NHS: variants seen among roughly 807,000 people sequenced by gnomAD.
NHS encodes the protein NHS actin remodeling regulator.
NHS carries 5 observed loss-of-function variants against 72.5 expected under a neutral mutation model. That is an observed-to-expected ratio of 0.07 (90% CI 0.04 to 0.14). The LOEUF is 0.14. Ranked by LOEUF, NHS falls within the 10% of genes least tolerant of loss-of-function variation. NHS has a pLI of 1.00. For synonymous variants in NHS, 464 were observed against 547.7 expected (o/e 0.85, Z 2.13); for missense variants, 1,072 against 1,355.7 (o/e 0.79, Z 3.29).
Position 17,734,695 on chromosome X carries a change from G to A in NHS, c.*2231G>A, listed in dbSNP as rs1313884290. ...ACCCATTAATTAAGAAAACCAGCAT[G>A]GTTTGACACCACATGGGAACATGAA... On this transcript the variant is annotated 3_prime_UTR_variant, in exon 9 of 9. Coordinates refer to ENST00000676302, the MANE Select transcript of NHS (RefSeq NM_001291867.2). The A allele has an allele frequency of 8.9e-6, 1 of 112,646 alleles. No individual in the cohort carries two copies. The highest frequency in any genetic ancestry group is 1.9e-5 in the Non-Finnish European group (1 of 53,282). 9.3% of individuals were successfully genotyped at this position (112,646 alleles called of 1,213,427 possible). A position where few individuals can be genotyped will look rare whatever the true frequency, so the allele number is the denominator to read the frequency against.
chrX:17,461,230 C>T (rs2064846357), intron 1 of NHS, among the ~76,000 whole-genome samples: 1 of 111,924 alleles, frequency 8.9e-6, no homozygotes, highest in Admixed American at 9.4e-5. Flanking sequence ...CGAAAGTCAA[C>T]AAGACAATGA....
intron 1 of NHS, among the ~76,000 whole-genome samples, chrX:17,469,998 G>A (rs185778935): frequency 9.0e-6 from 1 of 110,991 alleles, no homozygotes; most frequent in Non-Finnish European, 1.9e-5. Context: ...GAGATGATTT[G>A]GGTTTATTGT....
At chrX:17,517,348 C>T (rs2065126794) in intron 1 of NHS, among the ~76,000 whole-genome samples, 1 of 111,944 alleles carries the variant, frequency 8.9e-6, no homozygotes, top group African/African-American at 3.3e-5. Flanking sequence ...TGCCCAAATC[C>T]AATTCTAGAC....
chrX:17,491,838 C>G (rs1163282466), intron 1 of NHS, among the ~76,000 whole-genome samples: 5 of 104,825 alleles, frequency 4.8e-5, no homozygotes, highest in Non-Finnish European at 9.7e-5. Context: ...AGGGATTCGA[C>G]TTCTTCCTGG....
chrX:17,688,582 T>C (rs993850990), intron 2 of NHS, among the ~76,000 whole-genome samples: 1 of 111,413 alleles, frequency 9.0e-6, no homozygotes, highest in Non-Finnish European at 1.9e-5. Flanking sequence ...CCCCATTCTT[T>C]AGTGGGACAC....
rs372574925 is a variant in NHS, at chrX:17,640,701, G to A, written c.566-47041G>A. On this transcript the variant is annotated intron_variant, in intron 1 of 8. Coordinates refer to ENST00000676302, the MANE Select transcript of NHS (RefSeq NM_001291867.2). Reference sequence around the variant, plus strand: ...TTAATGCTTGCCATGGATGACATTTGGCCATTAACAGCTAAGCTCCCTCTT... The same window carrying A: ...TTAATGCTTGCCATGGATGACATTTAGCCATTAACAGCTAAGCTCCCTCTT... 7.1e-5 allele frequency among the ~76,000 whole-genome samples: 8 copies of A among 112,351 alleles called. No homozygotes were observed. In the East Asian group the frequency reaches 1.9e-3, roughly 27 times the overall value.
chrX:17,581,338 G>A (rs1264801964), intron 1 of NHS, among the ~76,000 whole-genome samples: 1 of 111,754 alleles, frequency 8.9e-6, no homozygotes, highest in Non-Finnish European at 1.9e-5. Context: ...AGGAAACAAT[G>A]GAGGCTTGCA....
intron 3 of NHS, among the ~76,000 whole-genome samples, chrX:17,704,297 A>T (rs895103613): frequency 9.2e-6 from 1 of 109,144 alleles, no homozygotes; most frequent in Non-Finnish European, 1.9e-5. Flanking sequence ...TTTAAAAATT[A>T]AAAAAAAATT....
intron 3 of NHS, among the ~76,000 whole-genome samples, chrX:17,707,032 G>GTAGA (rs2066300492): frequency 1.8e-5 from 2 of 112,072 alleles, no homozygotes; most frequent in South Asian, 7.5e-4. Flanking sequence ...TCACCCTGCA[G>GTAGA]TAGAGTCCAT....
chrX:17,655,686 C>A (rs7052274), intron 1 of NHS, among the ~76,000 whole-genome samples: 1 of 112,902 alleles, frequency 8.9e-6, no homozygotes, highest in Non-Finnish European at 1.9e-5. Flanking sequence ...AGCTGTAAAT[C>A]GAAGCTGTCT....
chrX:17,419,749 G>T (rs1188768353), intron 1 of NHS, among the ~76,000 whole-genome samples: 1 of 111,808 alleles, frequency 8.9e-6, no homozygotes, highest in Admixed American at 9.5e-5. Flanking sequence ...TGTAAGGTAT[G>T]TACCATGAAA....
chrX:17,551,445 G>T (rs938724428), intron 1 of NHS, among the ~76,000 whole-genome samples: 1 of 111,659 alleles, frequency 9.0e-6, no homozygotes, highest in Non-Finnish European at 1.9e-5. Context: ...TCTGGAACCT[G>T]CCCCCTTCCC....
chrX:17,426,479 T>C (rs1438089265), intron 1 of NHS, among the ~76,000 whole-genome samples: 1 of 112,183 alleles, frequency 8.9e-6, no homozygotes, highest in Non-Finnish European at 1.9e-5. Flanking sequence ...TCTGTTCCTT[T>C]CGCTGCTCAG....
chrX:17,613,154 C>G (rs775949356), intron 1 of NHS, among the ~76,000 whole-genome samples: 21 of 110,990 alleles, frequency 1.9e-4, no homozygotes, highest in Non-Finnish European at 3.4e-4. Context: ...AGGTGGATCA[C>G]TTGAGGTCAG....
At chrX:17,517,825 A>T (rs1315377636) in intron 1 of NHS, among the ~76,000 whole-genome samples, 1 of 111,873 alleles carries the variant, frequency 8.9e-6, no homozygotes, top group Non-Finnish European at 1.9e-5. Flanking sequence ...CTCAGAAATG[A>T]TTTAAGGTAT....
At chrX:17,514,762 G>A (rs973628265) in intron 1 of NHS, among the ~76,000 whole-genome samples, 2 of 112,030 alleles carry the variant, frequency 1.8e-5, no homozygotes, top group Non-Finnish European at 3.8e-5. Flanking sequence ...ATGGTGCCAA[G>A]TTTGAGACAC....
intron 1 of NHS, among the ~76,000 whole-genome samples, chrX:17,565,490 A>G (rs766826411): frequency 2.7e-5 from 3 of 112,325 alleles, no homozygotes; most frequent in Non-Finnish European, 5.6e-5. Flanking sequence ...TGGCAGCTTT[A>G]CAGTTTTTAA....
chrX:17,612,117 G>A (rs1201634438), intron 1 of NHS, among the ~76,000 whole-genome samples: 3 of 105,612 alleles, frequency 2.8e-5, no homozygotes, highest in East Asian at 2.9e-4. Flanking sequence ...AAACATCACC[G>A]AACTGGAACA....
At chrX:17,438,130 T>A (rs2064733175) in intron 1 of NHS, among the ~76,000 whole-genome samples, 1 of 112,415 alleles carries the variant, frequency 8.9e-6, no homozygotes, top group African/African-American at 3.2e-5. Flanking sequence ...CATATGTGGA[T>A]CATCTAGGGA....
Sources: allele counts gnomAD v4.1 joint callset (sites outside exome capture counted in the v4.1 genomes callset), GRCh38; gene constraint gnomAD v4.1.1; transcripts MANE v1.5; gene names NCBI Gene and HGNC (gene_info 2026-07-23, HGNC 2026-07-21).